CACNB2: variants seen among roughly 807,000 people sequenced by gnomAD.
CACNB2 encodes the protein voltage-dependent L-type calcium channel subunit beta-2.
CACNB2 carries 42 observed loss-of-function variants against 73.3 expected under a neutral mutation model. That is an observed-to-expected ratio of 0.57 (90% CI 0.45 to 0.74). CACNB2 has a LOEUF of 0.74. Among genes scored for constraint, CACNB2 ranks in the 30% least tolerant of loss-of-function variants. The probability of loss-of-function intolerance (pLI) is 0.00; values close to 1 mark genes in which losing one functional copy is unlikely to be tolerated. For synonymous variants in CACNB2, 348 were observed against 310.3 expected, an observed-to-expected ratio of 1.12 and a Z score of -1.28; for missense variants, 940 against 853.0, an observed-to-expected ratio of 1.10 and a Z score of -1.27.
chr10:18,469,920 G>C (rs1589448588), intron 3 of CACNB2, among the ~76,000 whole-genome samples: 1 of 151,978 alleles, frequency 6.6e-6, no homozygotes, highest in Admixed American at 6.6e-5. Context: ...TAAGTCCTGG[G>C]ATCTTGAGGT....
At chr10:18,484,612 T>C (rs893649475) in intron 3 of CACNB2, among the ~76,000 whole-genome samples, 1 of 152,114 alleles carries the variant, frequency 6.6e-6, no homozygotes, top group Non-Finnish European at 1.5e-5. Flanking sequence ...ATCCAAACTT[T>C]TCAATCGCTG....
rs1420854545 is a variant in CACNB2 at position 18,499,679 on chromosome 10, C to G, written c.457-1133C>G. Among the ~76,000 whole-genome samples the G allele has an allele frequency of 3.4e-5, 5 of 148,796 alleles. No homozygotes were observed. In the East Asian group the frequency reaches 9.8e-4, roughly 29 times the overall value. On this transcript the variant is annotated intron_variant, in intron 4 of 13. Coordinates refer to ENST00000324631, the MANE Select transcript of CACNB2 (RefSeq NM_201596.3). Reference sequence around the variant, plus strand: ...GGGTACTATGGCTCATGCCTGTAATCCAAGCACTAAGAACCTAGAAGCCTG... The same window carrying G: ...GGGTACTATGGCTCATGCCTGTAATGCAAGCACTAAGAACCTAGAAGCCTG...
chr10:18,510,309 CTTTG>C (rs890764449), intron 6 of CACNB2, among the ~76,000 whole-genome samples: 4 of 151,964 alleles, frequency 2.6e-5, no homozygotes, highest in African/African-American at 4.8e-5. Flanking sequence ...TCCACTCTTT[CTTTG>C]TTTTTTTTTG....
intron 2 of CACNB2, among the ~76,000 whole-genome samples, chr10:18,314,554 C>T (rs953447540): frequency 2.6e-5 from 4 of 151,306 alleles, no homozygotes; most frequent in East Asian, 3.9e-4. Context: ...ATTGAAATTC[C>T]ACAGTTCATC....
At chr10:18,233,365 C>T (rs7083672) in intron 2 of CACNB2, among the ~76,000 whole-genome samples, 7,138 of 152,040 alleles carry the variant, frequency 0.047, 593 homozygotes, top group African/African-American at 0.16. Context: ...TGTTTAGTGA[C>T]CTTAACTGGT....
At chr10:18,380,106 T>A (rs1208888624) in intron 2 of CACNB2, among the ~76,000 whole-genome samples, 1 of 152,208 alleles carries the variant, frequency 6.6e-6, no homozygotes, top group Non-Finnish European at 1.5e-5. Flanking sequence ...GTCTTCAAGA[T>A]TTATCAGAAA....
rs974653616 is a variant in CACNB2, at chr10:18,444,865, G to T, written c.333+42822G>T. Among the ~76,000 whole-genome samples the T allele has an allele frequency of 3.3e-5, 5 of 152,116 alleles. No homozygotes were observed. In the South Asian group the frequency reaches 1.0e-3, roughly 32 times the overall value. On this transcript the variant is annotated intron_variant, in intron 3 of 13. Coordinates refer to ENST00000324631, the MANE Select transcript of CACNB2 (RefSeq NM_201596.3). ...TGGCATTTAGAATTGTAAATTGAGG[G>T]AACAAAGTAATCAATGATATCATGA...
At chr10:18,332,538 T>A (rs2040845959) in intron 2 of CACNB2, among the ~76,000 whole-genome samples, 1 of 152,150 alleles carries the variant, frequency 6.6e-6, no homozygotes, top group African/African-American at 2.4e-5. Context: ...ACAAAGAGTA[T>A]TCCAGGACTA....
At chr10:18,283,301 C>T (rs2038634430) in intron 2 of CACNB2, among the ~76,000 whole-genome samples, 2 of 152,044 alleles carry the variant, frequency 1.3e-5, no homozygotes. Context: ...ACCATTTGAC[C>T]CAACCATCCC....
intron 2 of CACNB2, among the ~76,000 whole-genome samples, chr10:18,210,595 T>C (rs1406528581): frequency 6.6e-6 from 1 of 152,150 alleles, no homozygotes; most frequent in African/African-American, 2.4e-5. Context: ...CTGAGTTATA[T>C]TTATTTGTCT....
chr10:18,534,803 T>C (rs2053405233), intron 11 of CACNB2, among the ~76,000 whole-genome samples: 1 of 152,218 alleles, frequency 6.6e-6, no homozygotes, highest in African/African-American at 2.4e-5. Context: ...TTTGATTGAG[T>C]TGTGAACTAA....
intron 3 of CACNB2, among the ~76,000 whole-genome samples, chr10:18,491,819 T>TAAAAAAAAAAAAAAAAA (rs68179779): frequency 3.0e-5 from 2 of 65,594 alleles, no homozygotes; most frequent in Non-Finnish European, 6.2e-5. Context: ...TCAAGTTGGT[T>TAAAAAAAAAAAAAAAAA]AAAAAAAAAA....
chr10:18,240,775 G>C (rs529417670), intron 2 of CACNB2, among the ~76,000 whole-genome samples: 1 of 152,154 alleles, frequency 6.6e-6, no homozygotes, highest in East Asian at 1.9e-4. Flanking sequence ...ATCCTGAGCA[G>C]ATGCCTCCTT....
intron 2 of CACNB2, among the ~76,000 whole-genome samples, chr10:18,171,521 GAAAAAAAAAAA>G (rs370201485): frequency 2.8e-4 from 9 of 32,604 alleles, no homozygotes; most frequent in South Asian, 3.6e-3. Context: ...TTTGATAGCA[GAAAAAAAAAAA>G]AAAAAAAAAA....
At chr10:18,232,865 A>T (rs2036274997) in intron 2 of CACNB2, among the ~76,000 whole-genome samples, 1 of 152,188 alleles carries the variant, frequency 6.6e-6, no homozygotes. Flanking sequence ...AGACAGGCAG[A>T]TGGCTTGAGC....
intron 2 of CACNB2, among the ~76,000 whole-genome samples, chr10:18,178,473 A>T (rs1020525050): frequency 4.6e-5 from 7 of 152,216 alleles, no homozygotes; most frequent in Admixed American, 1.3e-4. Flanking sequence ...GATTAATCAG[A>T]TAGAGGTCCT....
intron 10 of CACNB2, 50 bp from the exon 11 acceptor site, chr10:18,534,026 C>A (rs751779050): frequency 1.9e-6 from 3 of 1,597,632 alleles, no homozygotes; most frequent in Non-Finnish European, 1.7e-6. Flanking sequence ...TACCATTTTA[C>A]TTTATCTTAA....
chr10:18,504,654 C>CGTGT (rs879810053), intron 5 of CACNB2, among the ~76,000 whole-genome samples: 8,170 of 151,576 alleles, frequency 0.054, 318 homozygotes, highest in Non-Finnish European at 0.074. Flanking sequence ...TGTGTGTGTG[C>CGTGT]GTGTGTGTGA....
intron 2 of CACNB2, among the ~76,000 whole-genome samples, chr10:18,320,210 A>C (rs2040348624): frequency 6.6e-6 from 1 of 151,982 alleles, no homozygotes; most frequent in African/African-American, 2.4e-5. Context: ...TTTTATACCC[A>C]ATCCTCATGT....
Sources: gnomAD v4.1 joint callset for allele counts (sites outside exome capture counted in the v4.1 genomes callset) on GRCh38, gnomAD v4.1.1 for gene constraint, MANE v1.5 for transcripts, NCBI Gene and HGNC (gene_info 2026-07-23, HGNC 2026-07-21) for gene names.